Variants in XKR6 observed in about 807,000 individuals in gnomAD.
XKR6 encodes XK-related protein 6.
In XKR6, 22 loss-of-function variants were observed where a neutral mutation model predicts 56.7. The ratio of observed to expected loss-of-function variants is 0.39; its 90% CI spans 0.28 to 0.55. The LOEUF (loss-of-function observed/expected upper bound fraction) is 0.55, where lower values mean the gene tolerates loss of function less well. XKR6 is among the 20% of genes least tolerant of loss of function. The pLI is 0.66. For missense variants in XKR6, 852 were observed against 889.0 expected (o/e 0.96, Z 0.53); for synonymous variants, 524 against 387.8 (o/e 1.35, Z -4.13).
At chr8:10,941,860 C>G (rs1397400324) in intron 1 of XKR6, among the ~76,000 whole-genome samples, 1 of 152,234 alleles carries the variant, frequency 6.6e-6, no homozygotes, top group Non-Finnish European at 1.5e-5. Flanking sequence ...AAAGTCACAG[C>G]AGCACATAGA....
intron 1 of XKR6, among the ~76,000 whole-genome samples, chr8:11,012,297 AAATT>A (rs1355064042): frequency 1.3e-5 from 2 of 152,246 alleles, no homozygotes; most frequent in African/African-American, 4.8e-5. Flanking sequence ...CTATGCAGAT[AAATT>A]TAACCTGGCA....
chr8:11,096,639 G>A (rs1272046303), intron 1 of XKR6, among the ~76,000 whole-genome samples: 5 of 152,188 alleles, frequency 3.3e-5, no homozygotes, highest in Admixed American at 3.3e-4. Flanking sequence ...CCTTTTCCTG[G>A]AAAAAGTAAC....
intron 1 of XKR6, among the ~76,000 whole-genome samples, chr8:11,032,260 C>T (rs182655470): frequency 6.6e-6 from 1 of 152,276 alleles, no homozygotes; most frequent in African/African-American, 2.4e-5. Flanking sequence ...CAAAGGAAAA[C>T]AACATCTTGG....
intron 1 of XKR6, among the ~76,000 whole-genome samples, chr8:10,986,267 T>A (rs1182027655): frequency 1.3e-5 from 2 of 152,236 alleles, no homozygotes; most frequent in Admixed American, 1.3e-4. Context: ...AACGTATGTA[T>A]TCTAAATAAA....
At chr8:10,924,998 A>G (rs1800838381) in intron 1 of XKR6, among the ~76,000 whole-genome samples, 168 bp from the exon 2 acceptor site, 1 of 152,070 alleles carries the variant, frequency 6.6e-6, no homozygotes, top group African/African-American at 2.4e-5. Flanking sequence ...GCAAAAGGAC[A>G]TGATGCTGAG....
intron 1 of XKR6, among the ~76,000 whole-genome samples, chr8:10,945,036 G>A (rs760616123): frequency 1.2e-4 from 18 of 152,166 alleles, no homozygotes; most frequent in Non-Finnish European, 2.5e-4. Flanking sequence ...GGTCAAGCTC[G>A]AGGGTGACTT....
intron 1 of XKR6, among the ~76,000 whole-genome samples, chr8:11,166,277 G>C (rs1401064025): frequency 6.6e-6 from 1 of 152,074 alleles, no homozygotes; most frequent in Non-Finnish European, 1.5e-5. Flanking sequence ...CGCTGCTTTG[G>C]GTCATTTCAG....
chr8:11,190,019 T>C (rs1803466779), intron 1 of XKR6, among the ~76,000 whole-genome samples: 1 of 152,034 alleles, frequency 6.6e-6, no homozygotes, highest in Middle Eastern at 3.4e-3. Flanking sequence ...TAGACGGGTA[T>C]GGTGGCTCAT....
intron 1 of XKR6, among the ~76,000 whole-genome samples, chr8:10,996,696 C>A (rs1021566519): frequency 1.3e-5 from 2 of 152,098 alleles, no homozygotes; most frequent in African/African-American, 4.8e-5. Flanking sequence ...AAGGGGCTGG[C>A]TTTAGGGAAA....
rs545611575 is a variant in XKR6, at chr8:11,162,810, T to G, written c.764+37766A>C. 8.2e-4 allele frequency among the ~76,000 whole-genome samples: 125 copies of G among 152,336 alleles called. 1 individual carries two copies. Among genetic ancestry groups the G allele is most frequent in the African/African-American group, 3.0e-3 (123 of 41,578 alleles). ...AAAAGAACTTTGTAAGAAGCCGAAG[T>G]GTTTCAATTTAAGCCATTACCACTA... On this transcript the variant is annotated intron_variant, in intron 1 of 2. Coordinates refer to ENST00000416569, the MANE Select transcript of XKR6 (RefSeq NM_173683.4).
intron 1 of XKR6, among the ~76,000 whole-genome samples, chr8:11,043,470 C>T (rs1799334998): frequency 6.6e-6 from 1 of 152,224 alleles, no homozygotes; most frequent in African/African-American, 2.4e-5. Context: ...CTCTGGAAGT[C>T]CCTCCTTCAC....
At chr8:11,019,291 CA>C (rs1263268059) in intron 1 of XKR6, among the ~76,000 whole-genome samples, 8 of 149,780 alleles carry the variant, frequency 5.3e-5, no homozygotes, top group Admixed American at 4.0e-4. Flanking sequence ...AGATCTTCAC[CA>C]AAGATGAGTG....
chr8:11,164,841 TACCAAC>T (rs1347359846), intron 1 of XKR6, among the ~76,000 whole-genome samples: 1 of 152,204 alleles, frequency 6.6e-6, no homozygotes, highest in Admixed American at 6.5e-5. Context: ...CTGTCTCCCA[TACCAAC>T]ACCATCACTT....
intron 1 of XKR6, among the ~76,000 whole-genome samples, chr8:10,989,736 G>A (rs1194634052): frequency 1.3e-5 from 2 of 152,222 alleles, no homozygotes; most frequent in African/African-American, 4.8e-5. Flanking sequence ...ACATAGCACT[G>A]TTCAGAAGTA....
chr8:11,168,029 A>G (rs1802175606), intron 1 of XKR6, among the ~76,000 whole-genome samples: 1 of 152,176 alleles, frequency 6.6e-6, no homozygotes, highest in African/African-American at 2.4e-5. Context: ...CTTGACAAAA[A>G]AAAGAGATAC....
intron 1 of XKR6, among the ~76,000 whole-genome samples, chr8:11,100,632 C>A (rs968678767): frequency 6.6e-6 from 1 of 152,176 alleles, no homozygotes; most frequent in Non-Finnish European, 1.5e-5. Context: ...TCACACTTAA[C>A]CCTTGTAGCA....
At chr8:10,931,850 T>G (rs542231933) in intron 1 of XKR6, among the ~76,000 whole-genome samples, 3 of 152,166 alleles carry the variant, frequency 2.0e-5, no homozygotes, top group Admixed American at 6.5e-5. Context: ...AAGATAAACT[T>G]TATCAAAATT....
chr8:10,942,495 G>C (rs868846561), intron 1 of XKR6, among the ~76,000 whole-genome samples: 1 of 152,114 alleles, frequency 6.6e-6, no homozygotes, highest in African/African-American at 2.4e-5. Context: ...GCCTGCTCCC[G>C]GTCACTCGCC....
At chr8:11,114,724 CATATGTGTGT>C (rs1319313145) in intron 1 of XKR6, among the ~76,000 whole-genome samples, 4 of 122,150 alleles carry the variant, frequency 3.3e-5, no homozygotes, top group African/African-American at 1.4e-4. Context: ...ACTTAGATCA[CATATGTGTGT>C]GTGTGTGTGT....
Sources: gnomAD v4.1 joint callset for allele counts (sites outside exome capture counted in the v4.1 genomes callset) on GRCh38, gnomAD v4.1.1 for gene constraint, MANE v1.5 for transcripts, NCBI Gene and HGNC (gene_info 2026-07-23, HGNC 2026-07-21) for gene names.